BBS1: variants seen among roughly 807,000 people sequenced by gnomAD.
BBS1 encodes the protein BBSome complex member BBS1.
BBS1 carries 60 observed loss-of-function variants against 73.9 expected under a neutral mutation model. The observed-to-expected ratio is 0.81, with a 90% CI of 0.66 to 1.01. BBS1 has a LOEUF of 1.01. BBS1 is among the 50% of genes least tolerant of loss of function. The pLI, the probability that BBS1 is intolerant of heterozygous loss-of-function variation, is 0.00. For synonymous variants in BBS1, 283 were observed against 317.4 expected (o/e 0.89, Z 1.15); for missense variants, 718 against 770.3 (o/e 0.93, Z 0.80).
At position 66,510,710 on chromosome 11, in the gene BBS1, AAGGC is replaced by A. The variant is rs1407663716; in HGVS notation, c.47+8_47+11del. The A allele has an allele frequency of 6.2e-7, 1 of 1,614,000 alleles. No homozygotes were observed. The highest frequency in any genetic ancestry group is 1.3e-5 in the African/African-American group (1 of 74,932). ...CCGACGCCTGCGGAGCTGAGAGGTG[AAGGC>A]AGGGCTCCTCAAGGCCTCTTTTCCC... On this transcript the variant is annotated splice_donor_5th_base_variant and intron_variant, in intron 1 of 16. Transcript: ENST00000318312.
chr11:66,514,795 T>A, intron 4 of BBS1, 117 bp downstream of exon 4: 1 of 1,211,210 alleles, frequency 8.3e-7, no homozygotes. Context: ...CTATAGTCCA[T>A]CTCTGACAGC....
intron 11 of BBS1, among the ~76,000 whole-genome samples, chr11:66,524,710 A>G (rs1183298191): frequency 6.6e-6 from 1 of 152,222 alleles, no homozygotes; most frequent in Non-Finnish European, 1.5e-5. Flanking sequence ...GTGAATCATT[A>G]AATCAGTTTA....
chr11:66,526,276 A>C lies in BBS1; in HGVS notation c.1180+84A>C, dbSNP rs2134810340. On this transcript the variant is annotated intron_variant, in intron 12 of 16. Coordinates refer to ENST00000318312, the MANE Select transcript of BBS1 (RefSeq NM_024649.5). ...TTCTGGGGAAAGAGGAGGAGGTGGAAATGAAGCATGGGTGGACCTGGGTGT... is the reference window on the plus strand; with the variant it reads ...TTCTGGGGAAAGAGGAGGAGGTGGACATGAAGCATGGGTGGACCTGGGTGT... 5 of 1,379,530 alleles carry C rather than the reference A, an allele frequency of 3.6e-6. No homozygotes were observed. In the East Asian group the frequency reaches 1.2e-4, roughly 32 times the overall value. 85.5% of individuals were successfully genotyped at this position (1,379,530 alleles called of 1,614,324 possible).
chr11:66,529,787 C>G lies in BBS1; in HGVS notation c.1340-32C>G, dbSNP rs201676112. On this transcript the variant is annotated intron_variant, in intron 13 of 16. Transcript: ENST00000318312. Reference sequence around the variant, plus strand: ...GCCTCCTCCCTGCCACCCCCCACCTCCACCGTCAGCCTCTGGGACCCTTCT... The same window carrying G: ...GCCTCCTCCCTGCCACCCCCCACCTGCACCGTCAGCCTCTGGGACCCTTCT... The G allele has an allele frequency of 3.0e-4, 480 of 1,608,518 alleles. 2 individuals carry two copies. In the East Asian group the frequency reaches 0.01, roughly 35 times the overall value.
rs79638438 is a variant in BBS1 at position 66,530,363 on chromosome 11, G to A, written c.1473+411G>A. Among the ~76,000 whole-genome samples the A allele has an allele frequency of 6.9e-3, 1,048 of 152,200 alleles. 57 individuals carry two copies. The East Asian group carries it at 0.13, about 20-fold the overall frequency. ...GGAAGGGGCCATCCCGGCCTCACCCGCAAGCACCGAGACCAGCACGGGCAA... is the reference window on the plus strand; with the variant it reads ...GGAAGGGGCCATCCCGGCCTCACCCACAAGCACCGAGACCAGCACGGGCAA... On this transcript the variant is annotated intron_variant, in intron 14 of 16. Transcript: ENST00000318312.
rs759275651 is a variant in BBS1, at chr11:66,526,133, C to G, written c.1121C>G (p.Thr374Ser). The change falls in exon 12 of 17, where the codon ACC becomes AGC. Residue 374 changes from threonine (T) to serine (S), a missense_variant. Coordinates refer to ENST00000318312, the MANE Select transcript of BBS1 (RefSeq NM_024649.5). ...GACGTCTCCACATAGGATGCAGTGA[C>G]CAGCCTTTGCTTTGGCCGGTACGGG... The part of the protein sequence containing the change: ...LNVIHTPDAV[T>S]SLCFGRYGRE... 8 of 1,614,114 alleles carry G rather than the reference C, an allele frequency of 5.0e-6. No individual in the cohort carries two copies. The East Asian group carries it at 1.6e-4, about 31-fold the overall frequency.
At chr11:66,511,549 G>A (rs1855948353) in intron 3 of BBS1, among the ~76,000 whole-genome samples, 1 of 152,034 alleles carries the variant, frequency 6.6e-6, no homozygotes, top group African/African-American at 2.4e-5. Flanking sequence ...AGAATCTGGA[G>A]GGAAAGTAAA....
intron 12 of BBS1, 65 bp downstream of exon 12, chr11:66,526,257 G>A: frequency 6.8e-7 from 1 of 1,480,458 alleles, no homozygotes; most frequent in Non-Finnish European, 9.4e-7. Flanking sequence ...CTGCTTCTGG[G>A]GAAAGAGGAG....
intron 3 of BBS1, 42 bp downstream of exon 3, chr11:66,511,281 G>C (rs373705671): frequency 6.2e-7 from 1 of 1,606,272 alleles, no homozygotes. Context: ...GGGTAGGGGG[G>C]TGTACCCAGA....
intron 12 of BBS1, 98 bp from the exon 13 acceptor site, chr11:66,526,551 A>C: frequency 6.6e-7 from 1 of 1,504,258 alleles, no homozygotes; most frequent in East Asian, 2.3e-5. Flanking sequence ...ATGTGTACAG[A>C]AGCAACTCTA....
At chr11:66,522,297 C>T (rs113630410) in intron 9 of BBS1, among the ~76,000 whole-genome samples, 3,011 of 150,934 alleles carry the variant, frequency 0.02, 87 homozygotes, top group African/African-American at 0.069. Context: ...CATGACATGA[C>T]ACTTGTTTAT....
chr11:66,529,624 G>T, intron 13 of BBS1, 195 bp from the exon 14 acceptor site: 1 of 714,244 alleles, frequency 1.4e-6, no homozygotes, highest in Non-Finnish European at 2.4e-6. Context: ...AGTGAGAAGA[G>T]GCAGGGCGAG....
Position 66,529,873 on chromosome 11 carries a change from G to A in BBS1, c.1394G>A (p.Arg465His), listed in dbSNP as rs146072788. ...TACCTGCTGCGCCTACGTGCTGCCC[G>A]CGCCTACCTGCAGGCCCTCGAGTCC... ...DLYLLRLRAA[R>H]AYLQALESSL... is the part of the protein sequence containing the mutation. The change falls in exon 14 of 17, where the codon CGC (arginine) becomes CAC (histidine). Residue 465 changes from arginine (R) to histidine (H), a missense_variant. Coordinates refer to ENST00000318312, the MANE Select transcript of BBS1 (RefSeq NM_024649.5). 1.9e-5 allele frequency: 30 copies of A among 1,609,958 alleles called. No individual in the cohort carries two copies. Among genetic ancestry groups the A allele is most frequent in the African/African-American group, 9.3e-5 (7 of 74,974 alleles).
Position 66,523,555 on chromosome 11 carries a change from C to T in BBS1, c.930C>T (p.Ser310=), listed in dbSNP as rs901307899. 2.5e-6 allele frequency: 4 copies of T among 1,614,032 alleles called. No individual in the cohort carries two copies. The highest frequency in any genetic ancestry group is 3.3e-5 in the Admixed American group (2 of 60,000). Residue 310 remains serine, a synonymous_variant, in exon 10 of 17, where the codon AGC becomes AGT. Transcript: ENST00000318312. ...TAGTGGTGGGCAGCACCCAAGACAG[C>T]CTGCATGGCTTCACCCACAAGGTGC... is the stretch of plus-strand genomic sequence containing the variant. The part of the protein sequence containing the change: ...KVLVVGSTQD[S]LHGFTHKGKK...
intron 9 of BBS1, chr11:66,523,217 AC>A: frequency 1.6e-6 from 1 of 644,318 alleles, no homozygotes; most frequent in Non-Finnish European, 2.9e-6. Context: ...AAGACAAGAC[AC>A]CATAGTGAAG....
At chr11:66,511,477 G>T (rs370383610) in intron 3 of BBS1, among the ~76,000 whole-genome samples, 2 of 152,296 alleles carry the variant, frequency 1.3e-5, no homozygotes, top group Admixed American at 6.5e-5. Flanking sequence ...CTAAGACAAA[G>T]CCTCTTAGTT....
intron 7 of BBS1, among the ~76,000 whole-genome samples, chr11:66,519,122 T>C (rs1184008129): frequency 1.3e-5 from 2 of 152,166 alleles, no homozygotes; most frequent in Non-Finnish European, 2.9e-5. Flanking sequence ...TGGTGGCTCA[T>C]GCATGTAATC....
intron 8 of BBS1, among the ~76,000 whole-genome samples, chr11:66,520,125 A>C (rs1856157554): frequency 6.6e-6 from 1 of 152,150 alleles, no homozygotes. Context: ...GTGGCACTGC[A>C]CTCCAGCCTG....
chr11:66,526,383 C>A (rs757167202), intron 12 of BBS1, among the ~76,000 whole-genome samples, 191 bp downstream of exon 12: 8 of 152,188 alleles, frequency 5.3e-5, no homozygotes, highest in African/African-American at 1.9e-4. Context: ...GGGCTGGATT[C>A]GATCTTTCTA....
Sources: allele counts gnomAD v4.1 joint callset (sites outside exome capture counted in the v4.1 genomes callset), GRCh38; gene constraint gnomAD v4.1.1; transcripts MANE v1.5; gene names NCBI Gene and HGNC (gene_info 2026-07-23, HGNC 2026-07-21).